DSCAM: variants seen among roughly 807,000 people sequenced by gnomAD.
DSCAM encodes DS cell adhesion molecule.
Under a neutral mutation model 217.7 loss-of-function variants are expected in DSCAM, and 47 were observed. The ratio of observed to expected loss-of-function variants is 0.22; its 90% CI spans 0.17 to 0.28. The LOEUF is 0.28. Ranked by LOEUF, DSCAM falls within the 10% of genes least tolerant of loss-of-function variation. The probability of loss-of-function intolerance (pLI) is 1.00; values close to 1 mark genes in which losing one functional copy is unlikely to be tolerated. For synonymous variants in DSCAM, 1,056 were observed against 1,015.3 expected (o/e 1.04, Z -0.76); for missense variants, 2,080 against 2,618.3 (o/e 0.79, Z 4.49).
chr21:40,846,408 G>T (rs2092145384), intron 1 of DSCAM, among the ~76,000 whole-genome samples: 1 of 151,924 alleles, frequency 6.6e-6, no homozygotes, highest in Non-Finnish European at 1.5e-5. Context: ...TGATTACAGA[G>T]CAATTTCTCC....
At chr21:40,058,126 C>A (rs1359781783) in intron 28 of DSCAM, among the ~76,000 whole-genome samples, 2 of 152,086 alleles carry the variant, frequency 1.3e-5, no homozygotes, top group Admixed American at 6.5e-5. Context: ...CCCGCCTCAG[C>A]CTCCCAAAGT....
intron 3 of DSCAM, among the ~76,000 whole-genome samples, chr21:40,439,028 G>C (rs1373271167): frequency 6.6e-6 from 1 of 151,934 alleles, no homozygotes; most frequent in Non-Finnish European, 1.5e-5. Flanking sequence ...CTTTTCTATT[G>C]CACCATTGTC....
At chr21:40,658,740 A>C (rs1323664766) in intron 3 of DSCAM, among the ~76,000 whole-genome samples, 1 of 152,172 alleles carries the variant, frequency 6.6e-6, no homozygotes, top group Non-Finnish European at 1.5e-5. Context: ...GAAAAATAAA[A>C]ACAGATCAAG....
At position 40,347,750 on chromosome 21, in the gene DSCAM, T is replaced by C. The variant is rs2074574748; in HGVS notation, c.1130A>G (p.Lys377Arg). 4 of 1,614,224 alleles carry C rather than the reference T, an allele frequency of 2.5e-6. No homozygotes were observed. In the South Asian group the frequency reaches 3.3e-5, roughly 13 times the overall value. ...HENLIMDHMV[K>R]SDGGAYQCFV... ...GCACTGGTATGCGCCCCCGTCACTT[T>C]TGACCATGTGATCCATTATAAGGTT... The change falls in exon 6 of 33, where the codon AAA becomes AGA. Residue 377 changes from lysine to arginine, a missense_variant. Around this residue, in one of 5 missense-constraint regions of DSCAM, gnomAD observed 568 missense variants for 678.1 expected, o/e 0.84. Transcript: ENST00000400454.
intron 3 of DSCAM, among the ~76,000 whole-genome samples, chr21:40,661,004 G>A (rs1291063292): frequency 2.6e-5 from 4 of 152,030 alleles, no homozygotes; most frequent in Non-Finnish European, 5.9e-5. Context: ...CCCAAGCAAG[G>A]GCCTGTTTTG....
chr21:40,232,770 T>C (rs1026329594), intron 11 of DSCAM, among the ~76,000 whole-genome samples: 2 of 152,140 alleles, frequency 1.3e-5, no homozygotes, highest in African/African-American at 2.4e-5. Context: ...AATTAAGTAA[T>C]CAATTTAGAC....
At chr21:40,452,880 A>G (rs2075731673) in intron 3 of DSCAM, among the ~76,000 whole-genome samples, 1 of 152,166 alleles carries the variant, frequency 6.6e-6, no homozygotes, top group Non-Finnish European at 1.5e-5. Flanking sequence ...TTGGGCTGAA[A>G]TCAGTAGTTT....
At chr21:40,518,485 ATATATAT>A (rs1371782574) in intron 3 of DSCAM, among the ~76,000 whole-genome samples, 1 of 25,154 alleles carries the variant, frequency 4.0e-5, no homozygotes, top group African/African-American at 2.7e-4. Flanking sequence ...TATATTTTAT[ATATATAT>A]TATATATTAT....
At position 40,075,137 on chromosome 21, in the gene DSCAM, C is replaced by T; in HGVS notation, c.4788G>A (p.Leu1596=). 1.1e-5 allele frequency: 17 copies of T among 1,614,208 alleles called. No individual in the cohort carries two copies. The highest frequency in any genetic ancestry group is 1.4e-5 in the Non-Finnish European group (17 of 1,180,032). The change falls in exon 27 of 33, where the codon CTG becomes CTA. Residue 1596 remains leucine, a synonymous_variant. Coordinates refer to ENST00000400454, the MANE Select transcript of DSCAM (RefSeq NM_001389.5). ...CCACCAGGATACAGGAGATGGTCACCAGCATCTTGAGCCCCTCGTTGGTCG... is the reference window on the plus strand; with the variant it reads ...CCACCAGGATACAGGAGATGGTCACTAGCATCTTGAGCCCCTCGTTGGTCG... ...GLTTNEGLKM[L]VTISCILVGV...
chr21:40,640,425 C>T (rs577363088), intron 3 of DSCAM, among the ~76,000 whole-genome samples: 1 of 152,274 alleles, frequency 6.6e-6, no homozygotes, highest in East Asian at 1.9e-4. Flanking sequence ...CTCCCTGATC[C>T]GCAGCTTCCT....
chr21:40,633,757 C>G (rs370843276), intron 3 of DSCAM, among the ~76,000 whole-genome samples: 5 of 152,166 alleles, frequency 3.3e-5, no homozygotes, highest in Non-Finnish European at 4.4e-5. Context: ...GGAGTCAAAA[C>G]GCAAATGCCT....
intron 15 of DSCAM, among the ~76,000 whole-genome samples, chr21:40,172,158 A>C (rs2090665966): frequency 6.6e-6 from 1 of 152,202 alleles, no homozygotes; most frequent in African/African-American, 2.4e-5. Context: ...AATCCCAGCT[A>C]CTGGGGAGGC....
chr21:40,846,786 CCG>C lies in DSCAM; in HGVS notation c.-127_-126del. ...GCCGCCGCCCGCCCGCCGCCCGCCGCCGCCGCCGCCGCTGCCTAGCCGCCCGG... is the reference window on the plus strand; with the variant it reads ...GCCGCCGCCCGCCCGCCGCCCGCCGCCCGCCGCCGCTGCCTAGCCGCCCGG... On this transcript the variant is annotated 5_prime_UTR_variant, in exon 1 of 33. Transcript: ENST00000400454. 1 of 262,442 alleles carries C rather than the reference CCG, an allele frequency of 3.8e-6. No individual in the cohort carries two copies. The highest frequency in any genetic ancestry group is 5.8e-6 in the Non-Finnish European group (1 of 171,870). 16.3% of individuals were successfully genotyped at this position (262,442 alleles called of 1,614,324 possible).
At chr21:40,463,376 G>T (rs1365965800) in intron 3 of DSCAM, among the ~76,000 whole-genome samples, 1 of 152,076 alleles carries the variant, frequency 6.6e-6, no homozygotes, top group African/African-American at 2.4e-5. Flanking sequence ...ATCAGCATCA[G>T]AAATGCAAGC....
intron 19 of DSCAM, among the ~76,000 whole-genome samples, chr21:40,126,739 C>G (rs978951623): frequency 6.6e-6 from 1 of 152,142 alleles, no homozygotes; most frequent in Non-Finnish European, 1.5e-5. Context: ...GTGTCACAGC[C>G]GATCAAGGGA....
intron 32 of DSCAM, among the ~76,000 whole-genome samples, chr21:40,039,017 TGGGGTGG>T (rs1248205307): frequency 1.2e-5 from 1 of 84,232 alleles, no homozygotes; most frequent in Non-Finnish European, 2.2e-5. Flanking sequence ...GGGACTGTAG[TGGGGTGG>T]GGGGAGGGGG....
chr21:40,537,289 C>T (rs997898528), intron 3 of DSCAM, among the ~76,000 whole-genome samples: 2 of 152,088 alleles, frequency 1.3e-5, no homozygotes, highest in African/African-American at 4.8e-5. Flanking sequence ...GGAGGTAGGT[C>T]GAGAGAGAGA....
At chr21:40,525,273 A>C (rs1045384945) in intron 3 of DSCAM, among the ~76,000 whole-genome samples, 1 of 152,214 alleles carries the variant, frequency 6.6e-6, no homozygotes, top group South Asian at 2.1e-4. Context: ...TGGAAACAAC[A>C]AAAACTAAAC....
At chr21:40,131,470 G>A (rs891127421) in intron 19 of DSCAM, among the ~76,000 whole-genome samples, 2 of 152,132 alleles carry the variant, frequency 1.3e-5, no homozygotes, top group Admixed American at 1.3e-4. Context: ...CCGTCACCCA[G>A]GCTGGAGTGC....
Sources: allele counts gnomAD v4.1 joint callset (sites outside exome capture counted in the v4.1 genomes callset), GRCh38; gene constraint gnomAD v4.1.1; regional missense constraint gnomAD v4.1.1; transcripts MANE v1.5; gene names NCBI Gene and HGNC (gene_info 2026-07-23, HGNC 2026-07-21).